MASP1: variants seen among roughly 807,000 people sequenced by gnomAD.
The protein encoded by MASP1 is mannan-binding lectin serine protease 1.
In MASP1, 59 loss-of-function variants were observed where a neutral mutation model predicts 77.1. The ratio of observed to expected loss-of-function variants is 0.77; its 90% CI spans 0.62 to 0.95. The LOEUF is 0.95. Ranked by LOEUF, MASP1 falls within the 40% of genes least tolerant of loss-of-function variation. The pLI, the probability that MASP1 is intolerant of heterozygous loss-of-function variation, is 0.00. For synonymous variants in MASP1, 362 were observed against 354.5 expected (o/e 1.02, Z -0.24); for missense variants, 885 against 912.9 (o/e 0.97, Z 0.39).
At chr3:187,255,284 C>A (rs1355690039) in intron 5 of MASP1, among the ~76,000 whole-genome samples, 1 of 152,060 alleles carries the variant, frequency 6.6e-6, no homozygotes, top group African/African-American at 2.4e-5. Flanking sequence ...AGTATCTGAG[C>A]GCAACTTCTA....
intron 2 of MASP1, among the ~76,000 whole-genome samples, chr3:187,265,547 G>T (rs1412613249): frequency 6.6e-6 from 1 of 151,856 alleles, no homozygotes; most frequent in Non-Finnish European, 1.5e-5. Context: ...AGAAGAGAAG[G>T]CCAGTAGCCT....
In MASP1 at chr3:187,253,226, C is replaced by G. The variant is rs145300248; in HGVS notation, c.834G>C (p.Leu278=). 3.7e-4 allele frequency: 595 copies of G among 1,614,088 alleles called. 6 individuals are homozygous for G. The highest frequency in any genetic ancestry group is 5.4e-5 in the Non-Finnish European group (64 of 1,180,052). ...TCTCTCCCGAGTTGTCACTATGGAA[C>G]AGGATCAGGACACTGTGGCTCTGGG... ...ISTQSHSVLI[L]FHSDNSGENR... The change falls in exon 6 of 11, where the codon CTG becomes CTC. Residue 278 remains leucine (L), a synonymous_variant. Coordinates refer to ENST00000296280, the MANE Select transcript of MASP1 (RefSeq NM_139125.4).
intron 10 of MASP1, among the ~76,000 whole-genome samples, chr3:187,238,371 A>G (rs149902400): frequency 2.8e-4 from 42 of 152,320 alleles, no homozygotes; most frequent in Admixed American, 3.3e-4. Context: ...GTCTAGCTTC[A>G]TATCTCCACT....
intron 2 of MASP1, among the ~76,000 whole-genome samples, chr3:187,275,302 G>A (rs1716876822): frequency 6.6e-6 from 1 of 152,214 alleles, no homozygotes; most frequent in South Asian, 2.1e-4. Flanking sequence ...CCTTGGGCCA[G>A]TGTCTTCCAG....
chr3:187,274,710 C>T (rs895281742), intron 2 of MASP1, among the ~76,000 whole-genome samples: 5 of 152,090 alleles, frequency 3.3e-5, no homozygotes, highest in African/African-American at 1.2e-4. Context: ...TGCTTGGCGC[C>T]ATAAAGAATG....
At chr3:187,286,452 C>CTT (rs2108612396) in intron 1 of MASP1, among the ~76,000 whole-genome samples, 1 of 152,262 alleles carries the variant, frequency 6.6e-6, no homozygotes, top group African/African-American at 2.4e-5. Flanking sequence ...CTGGGTGAGG[C>CTT]TTAAATGCAT....
chr3:187,279,098 T>C (rs1319909825), intron 2 of MASP1, among the ~76,000 whole-genome samples: 1 of 152,144 alleles, frequency 6.6e-6, no homozygotes, highest in Non-Finnish European at 1.5e-5. Flanking sequence ...GACAGAAATA[T>C]ACACTTTGCG....
At chr3:187,249,054 G>C (rs1714343225) in intron 8 of MASP1, among the ~76,000 whole-genome samples, 1 of 152,052 alleles carries the variant, frequency 6.6e-6, no homozygotes, top group Non-Finnish European at 1.5e-5. Flanking sequence ...GTTTTTGTTT[G>C]TTTGTTTGTT....
intron 2 of MASP1, among the ~76,000 whole-genome samples, chr3:187,267,071 G>A (rs952100020): frequency 6.6e-6 from 1 of 152,236 alleles, no homozygotes; most frequent in Non-Finnish European, 1.5e-5. Flanking sequence ...TATAGATGAG[G>A]AAATTGAAGC....
At chr3:187,241,342 C>A (rs1484873995) in intron 10 of MASP1, 139 bp downstream of exon 10, 1 of 734,734 alleles carries the variant, frequency 1.4e-6, no homozygotes, top group South Asian at 1.5e-5. Flanking sequence ...TGACCTTTAA[C>A]CTTTTGAAGA....
intron 11 of MASP1, among the ~76,000 whole-genome samples, chr3:187,228,177 C>T (rs1712547483): frequency 6.6e-6 from 1 of 151,726 alleles, no homozygotes; most frequent in South Asian, 2.1e-4. Flanking sequence ...GTCCTAGCTA[C>T]TCGGGAGGCT....
At chr3:187,240,827 G>A (rs983723869) in intron 10 of MASP1, among the ~76,000 whole-genome samples, 2 of 152,014 alleles carry the variant, frequency 1.3e-5, no homozygotes, top group African/African-American at 4.8e-5. Context: ...GTATAGATGG[G>A]GTTCCACTGT....
At chr3:187,290,006 C>T (rs1454818942) in intron 1 of MASP1, among the ~76,000 whole-genome samples, 3 of 152,178 alleles carry the variant, frequency 2.0e-5, no homozygotes, top group East Asian at 1.9e-4. Flanking sequence ...AGTTGCTTGG[C>T]TATTCAAAAA....
intron 13 of MASP1, chr3:187,223,280 C>A: frequency 9.3e-7 from 1 of 1,071,882 alleles, no homozygotes; most frequent in Non-Finnish European, 1.4e-6. Context: ...TCATCCTCTT[C>A]TGTGGAGGAA....
At chr3:187,254,258 T>C (rs181979822) in intron 5 of MASP1, among the ~76,000 whole-genome samples, 55 of 152,376 alleles carry the variant, frequency 3.6e-4, no homozygotes, top group Admixed American at 3.6e-3. Context: ...ATGTAACCTA[T>C]AGAAGTAATC....
intron 8 of MASP1, among the ~76,000 whole-genome samples, chr3:187,245,790 C>T (rs990255737): frequency 5.3e-5 from 8 of 152,226 alleles, no homozygotes; most frequent in South Asian, 2.1e-4. Context: ...AAACACCCTT[C>T]TCTTTCCCCT....
chr3:187,247,368 C>G (rs1472353188), intron 8 of MASP1: 18 of 1,613,916 alleles, frequency 1.1e-5, no homozygotes, highest in Non-Finnish European at 1.5e-5. Context: ...AGTTCGCTCT[C>G]CAGATCGATT....
chr3:187,238,683 A>T lies in MASP1; in HGVS notation c.1304-2116T>A, dbSNP rs967569661. On this transcript the variant is annotated intron_variant, in intron 10 of 10. Coordinates refer to ENST00000296280, the MANE Select transcript of MASP1 (RefSeq NM_139125.4). ...GATCATGGTAAAAAAATGGCTCGGC[A>T]TTGCTTATGTTGCCATCAAAAGTAT... 1.3e-5 allele frequency among the ~76,000 whole-genome samples: 2 copies of T among 152,344 alleles called. 1 individual carries two copies. The highest frequency in any genetic ancestry group is 6.8e-3 in the Middle Eastern group (2 of 294).
intron 8 of MASP1, 62 bp downstream of exon 8, chr3:187,250,189 C>T: frequency 1.5e-6 from 2 of 1,377,686 alleles, no homozygotes; most frequent in Non-Finnish European, 2.1e-6. Flanking sequence ...GCATGCTCTG[C>T]TCGGATCCCG....
Sources: gnomAD v4.1 joint callset for allele counts (sites outside exome capture counted in the v4.1 genomes callset) on GRCh38, gnomAD v4.1.1 for gene constraint, MANE v1.5 for transcripts, NCBI Gene and HGNC (gene_info 2026-07-23, HGNC 2026-07-21) for gene names.